The following SLC2A5 variants were observed in gnomAD, a reference collection of about 807,000 sequenced individuals.
SLC2A5 encodes the protein solute carrier family 2 member 5.
In SLC2A5, 56 loss-of-function variants were observed where a neutral mutation model predicts 50.3. That is an observed-to-expected ratio of 1.11 (90% CI 0.90 to 1.39). SLC2A5 has a LOEUF of 1.39. SLC2A5 is among the 40% of genes most tolerant of loss of function. The pLI is 0.00. For synonymous variants in SLC2A5, 269 were observed against 281.9 expected (o/e 0.95, Z 0.46); for missense variants, 566 against 650.1 (o/e 0.87, Z 1.41).
At chr1:9,046,586 T>C (rs576575346) in intron 4 of SLC2A5, among the ~76,000 whole-genome samples, 1 of 152,092 alleles carries the variant, frequency 6.6e-6, no homozygotes, top group Non-Finnish European at 1.5e-5. Context: ...ATTCATACAT[T>C]AGATTGTTTC....
Position 9,047,699 on chromosome 1 carries a change from A to T in SLC2A5, c.329T>A (p.Ile110Asn). 6.2e-7 allele frequency: 1 copy of T among 1,614,086 alleles called. No homozygotes were observed. Among genetic ancestry groups the T allele is most frequent in the Non-Finnish European group, 8.5e-7 (1 of 1,179,942 alleles). Residue 110 changes from isoleucine (I) to asparagine (N), a missense_variant, in exon 4 of 12, where the codon ATC becomes AAC. Coordinates refer to ENST00000377424, the MANE Select transcript of SLC2A5 (RefSeq NM_003039.3). ...GCATCCCATTAAGATCGCAGGCACGATAGAAAATATGTTGTTGAACAGCAA... is the reference window on the plus strand; with the variant it reads ...GCATCCCATTAAGATCGCAGGCACGTTAGAAAATATGTTGTTGAACAGCAA... ...GALLFNNIFS[I>N]VPAILMGCSR...
chr1:9,057,021 G>A (rs1354384579), intron 3 of SLC2A5, among the ~76,000 whole-genome samples: 2 of 152,242 alleles, frequency 1.3e-5, no homozygotes, highest in African/African-American at 4.8e-5. Flanking sequence ...GCCAGGCGCA[G>A]TGGCTCACGC....
At chr1:9,080,730 C>G (rs899318464) in intron 2 of SLC2A5, among the ~76,000 whole-genome samples, 1 of 152,224 alleles carries the variant, frequency 6.6e-6, no homozygotes, top group Non-Finnish European at 1.5e-5. Context: ...CAGTGATGTG[C>G]AGGAGCCAGC....
intron 5 of SLC2A5, chr1:9,041,418 G>T (rs1448917170): frequency 3.4e-6 from 4 of 1,161,694 alleles, no homozygotes; most frequent in Non-Finnish European, 4.4e-6. Flanking sequence ...TTGCTGGGAG[G>T]GTCCTATGAA....
At chr1:9,081,036 A>G (rs1378703142) in intron 2 of SLC2A5, among the ~76,000 whole-genome samples, 1 of 152,142 alleles carries the variant, frequency 6.6e-6, no homozygotes, top group Non-Finnish European at 1.5e-5. Context: ...CTCAGGAGTT[A>G]AGACTGGCCT....
chr1:9,051,554 C>A (rs563187528), intron 3 of SLC2A5, among the ~76,000 whole-genome samples: 2 of 152,270 alleles, frequency 1.3e-5, no homozygotes, highest in South Asian at 4.1e-4. Flanking sequence ...AGGTGCACCA[C>A]ATGATGTGTT....
chr1:9,060,178 A>C (rs71641071), intron 1 of SLC2A5, among the ~76,000 whole-genome samples: 39,849 of 143,338 alleles, frequency 0.28, 6,402 homozygotes, highest in East Asian at 0.58. Flanking sequence ...TACATACACA[A>C]TACACACACT....
intron 3 of SLC2A5, among the ~76,000 whole-genome samples, 180 bp from the exon 4 acceptor site, chr1:9,047,914 C>T (rs1009510096): frequency 6.6e-6 from 1 of 152,120 alleles, no homozygotes; most frequent in Non-Finnish European, 1.5e-5. Flanking sequence ...TGTGGGAATA[C>T]GCTCAGTGTG....
At chr1:9,064,549 C>A (rs1642032420) in intron 1 of SLC2A5, among the ~76,000 whole-genome samples, 1 of 152,072 alleles carries the variant, frequency 6.6e-6, no homozygotes, top group Non-Finnish European at 1.5e-5. Context: ...ACGACCACCC[C>A]AAGAAAGAAA....
chr1:9,077,680 G>A (rs549543027), intron 2 of SLC2A5, among the ~76,000 whole-genome samples: 139 of 149,546 alleles, frequency 9.3e-4, no homozygotes, highest in African/African-American at 2.9e-3. Flanking sequence ...ATTTGAACCT[G>A]GTTGCAGTGA....
Position 9,061,384 on chromosome 1 carries a change from C to T in SLC2A5, c.34-3134G>A, listed in dbSNP as rs570609622. On this transcript the variant is annotated intron_variant, in intron 1 of 11. Transcript: ENST00000377424. Reference sequence around the variant, plus strand: ...GAAGCTAAGTAAGGTAGGAGGATCACTTGAGCCCTGGAGTTTGAGACCAGA... The same window carrying T: ...GAAGCTAAGTAAGGTAGGAGGATCATTTGAGCCCTGGAGTTTGAGACCAGA... Among the ~76,000 whole-genome samples the T allele has an allele frequency of 2.8e-5, 4 of 145,412 alleles. 1 individual carries two copies. The East Asian group carries it at 9.4e-4, about 34-fold the overall frequency.
At chr1:9,067,623 G>C (rs553264780) in intron 1 of SLC2A5, among the ~76,000 whole-genome samples, 7 of 152,090 alleles carry the variant, frequency 4.6e-5, no homozygotes, top group Admixed American at 2.0e-4. Flanking sequence ...CACTTTCTTA[G>C]TTGTAAGACA....
Position 9,057,489 on chromosome 1 carries a change from G to T in SLC2A5, c.252C>A (p.Ile84=), listed in dbSNP as rs143281801. 3.2e-5 allele frequency: 52 copies of T among 1,613,648 alleles called. No homozygotes were observed. The highest frequency in any genetic ancestry group is 3.2e-4 in the Admixed American group (19 of 59,934). Residue 84 remains isoleucine (I), a synonymous_variant, in exon 3 of 12, where the codon ATC becomes ATA. Transcript: ENST00000377424. ...CCAAGGGGCCGACCAGGAGGGATCC[G>T]ATAAACCCTCCAAATGGAAACATGG... ...TVSMFPFGGF[I]GSLLVGPLVN...
At chr1:9,070,238 G>A (rs1032207254), upstream of SLC2A5, among the ~76,000 whole-genome samples, 6 of 151,766 alleles carry the variant, frequency 4.0e-5, no homozygotes, top group South Asian at 8.3e-4. Context: ...GCACTACCAC[G>A]CTCGGCTAAT....
intron 1 of SLC2A5, among the ~76,000 whole-genome samples, chr1:9,085,716 G>A (rs1447680356): frequency 6.6e-6 from 1 of 152,166 alleles, no homozygotes; most frequent in East Asian, 1.9e-4. Context: ...TCGGGAGGGC[G>A]GCTTAGAATT....
At chr1:9,063,686 T>C (rs1429335865) in intron 1 of SLC2A5, among the ~76,000 whole-genome samples, 8 of 31,142 alleles carry the variant, frequency 2.6e-4, no homozygotes, top group Admixed American at 6.3e-4. Context: ...ATTTACTTTT[T>C]TTTTTTTTTT....
At chr1:9,084,044 T>C (rs1642380676) in intron 2 of SLC2A5, among the ~76,000 whole-genome samples, 1 of 151,694 alleles carries the variant, frequency 6.6e-6, no homozygotes, top group Non-Finnish European at 1.5e-5. Context: ...CGCGGGAGGC[T>C]GAGGCAGGAG....
intron 2 of SLC2A5, among the ~76,000 whole-genome samples, chr1:9,084,738 G>A (rs1642386865): frequency 6.6e-6 from 1 of 152,088 alleles, no homozygotes; most frequent in Non-Finnish European, 1.5e-5. Context: ...TGTGAGCATC[G>A]GCCACACCCT....
At chr1:9,058,704 G>C (rs1452039457) in intron 1 of SLC2A5, among the ~76,000 whole-genome samples, 1 of 152,228 alleles carries the variant, frequency 6.6e-6, no homozygotes. Context: ...TGGGGCATTT[G>C]CCAACTGCAG....
Sources: gnomAD v4.1 joint callset for allele counts (sites outside exome capture counted in the v4.1 genomes callset) on GRCh38, gnomAD v4.1.1 for gene constraint, MANE v1.5 for transcripts, NCBI Gene and HGNC (gene_info 2026-07-23, HGNC 2026-07-21) for gene names.